FOXP1: variants seen among roughly 807,000 people sequenced by gnomAD.
FOXP1 encodes the protein forkhead box P1.
In FOXP1, 15 loss-of-function variants were observed where a neutral mutation model predicts 98.2. That is an observed-to-expected ratio of 0.15 (90% CI 0.10 to 0.24). FOXP1 has a LOEUF of 0.24. FOXP1 is among the 10% of genes least tolerant of loss of function. FOXP1 has a pLI of 1.00. For missense variants in FOXP1, 633 were observed against 848.5 expected, an observed-to-expected ratio of 0.75 and a Z score of 3.15; for synonymous variants, 371 against 314.5, an observed-to-expected ratio of 1.18 and a Z score of -1.90.
At chr3:71,406,963 G>A (rs942920865) in intron 3 of FOXP1, among the ~76,000 whole-genome samples, 1 of 151,550 alleles carries the variant, frequency 6.6e-6, no homozygotes, top group Non-Finnish European at 1.5e-5. Flanking sequence ...TGGAGGGAAA[G>A]AAAGAAAGGA....
chr3:71,209,079 C>A (rs1242797862), intron 5 of FOXP1, among the ~76,000 whole-genome samples: 1 of 152,164 alleles, frequency 6.6e-6, no homozygotes, highest in East Asian at 1.9e-4. Flanking sequence ...CCGCTTAACT[C>A]TTTACTGGTG....
At chr3:71,051,696 T>C (rs542333581) in intron 9 of FOXP1, among the ~76,000 whole-genome samples, 3 of 152,230 alleles carry the variant, frequency 2.0e-5, no homozygotes, top group Non-Finnish European at 2.9e-5. Flanking sequence ...GCAAGTTAAA[T>C]TGGATAACTC....
chr3:70,974,669 G>C (rs1368418830), intron 17 of FOXP1, among the ~76,000 whole-genome samples: 5 of 152,178 alleles, frequency 3.3e-5, no homozygotes, highest in African/African-American at 4.8e-5. Context: ...AATTGAGGTG[G>C]TATAAATAAA....
intron 2 of FOXP1, among the ~76,000 whole-genome samples, chr3:71,578,676 C>T (rs186606542): frequency 3.9e-5 from 6 of 152,294 alleles, no homozygotes; most frequent in Admixed American, 3.9e-4. Context: ...TGGCACTGGA[C>T]CCCCTGCAAT....
In FOXP1 at chr3:71,112,606, TGAA is replaced by T; in HGVS notation, c.209_211del (p.Leu70del). Reference sequence around the variant, plus strand: ...ACTAACTTGCTGCTGCTGTTGCTGCTGAAGAAGGAGCTGTCTTGCCACCTGAAG... The same window carrying T: ...ACTAACTTGCTGCTGCTGTTGCTGCTGAAGGAGCTGTCTTGCCACCTGAAG... On this transcript the variant is annotated inframe_deletion, in exon 7 of 21. Transcript: ENST00000649528. The T allele has an allele frequency of 6.2e-7, 1 of 1,614,114 alleles. No individual in the cohort carries two copies. The highest frequency in any genetic ancestry group is 8.5e-7 in the Non-Finnish European group (1 of 1,179,972).
chr3:71,079,450 A>C (rs2054175661), intron 7 of FOXP1, among the ~76,000 whole-genome samples: 1 of 152,210 alleles, frequency 6.6e-6, no homozygotes, highest in African/African-American at 2.4e-5. Context: ...TTCTAAAAAA[A>C]TCTTCATTCT....
chr3:71,545,095 AT>A (rs573622950), intron 2 of FOXP1, among the ~76,000 whole-genome samples: 2,799 of 149,888 alleles, frequency 0.019, 112 homozygotes, highest in African/African-American at 0.063. Context: ...TGGTAAAACA[AT>A]TTTTTTTTTA....
intron 2 of FOXP1, among the ~76,000 whole-genome samples, chr3:71,498,766 T>C (rs905280737): frequency 2.6e-5 from 4 of 152,166 alleles, no homozygotes; most frequent in African/African-American, 9.7e-5. Flanking sequence ...CCAGGGGGGT[T>C]TGTAAAACAC....
chr3:71,545,456 T>C (rs1035502570), intron 2 of FOXP1, among the ~76,000 whole-genome samples: 2 of 152,248 alleles, frequency 1.3e-5, no homozygotes, highest in African/African-American at 2.4e-5. Flanking sequence ...ATTTCAAAAT[T>C]ACTCTCATTT....
At chr3:71,451,117 T>C (rs755629292) in intron 3 of FOXP1, among the ~76,000 whole-genome samples, 5 of 152,176 alleles carry the variant, frequency 3.3e-5, no homozygotes, top group Admixed American at 6.6e-5. Context: ...CTTATATTGT[T>C]TTATTACAGT....
chr3:71,009,912 C>A (rs954653015), intron 12 of FOXP1, among the ~76,000 whole-genome samples: 1 of 147,730 alleles, frequency 6.8e-6, no homozygotes. Flanking sequence ...CGACACCCAG[C>A]TGAATTTTTT....
At chr3:71,396,763 C>G (rs187627634) in intron 3 of FOXP1, among the ~76,000 whole-genome samples, 1 of 150,510 alleles carries the variant, frequency 6.6e-6, no homozygotes, top group Admixed American at 6.7e-5. Context: ...CCCTTCTAAG[C>G]GTCAGGTCTT....
intron 3 of FOXP1, among the ~76,000 whole-genome samples, chr3:71,489,399 T>C (rs1190518395): frequency 3.3e-5 from 5 of 152,220 alleles, no homozygotes; most frequent in Non-Finnish European, 7.3e-5. Context: ...AGGGACAACC[T>C]AGTGGTAGAG....
At chr3:71,141,732 C>A (rs1156981026) in intron 6 of FOXP1, among the ~76,000 whole-genome samples, 2 of 151,944 alleles carry the variant, frequency 1.3e-5, no homozygotes, top group Non-Finnish European at 2.9e-5. Context: ...CATCAGCAAT[C>A]AACAAATCCA....
intron 6 of FOXP1, among the ~76,000 whole-genome samples, chr3:71,190,436 C>T (rs961687566): frequency 2.0e-5 from 3 of 150,396 alleles, no homozygotes; most frequent in Non-Finnish European, 4.4e-5. Context: ...TATAGTGAGA[C>T]CCATATCTCT....
chr3:71,553,715 A>G (rs953177988), intron 2 of FOXP1, among the ~76,000 whole-genome samples: 1 of 152,226 alleles, frequency 6.6e-6, no homozygotes, highest in Non-Finnish European at 1.5e-5. Flanking sequence ...CACATTTACA[A>G]AAGTTTAATA....
At chr3:71,010,658 C>T (rs1368390009) in intron 12 of FOXP1, among the ~76,000 whole-genome samples, 1 of 152,150 alleles carries the variant, frequency 6.6e-6, no homozygotes, top group Non-Finnish European at 1.5e-5. Context: ...ACACTGCTAT[C>T]AATTTGCCTA....
chr3:70,983,030 T>A (rs2039134183), intron 14 of FOXP1, among the ~76,000 whole-genome samples: 1 of 152,204 alleles, frequency 6.6e-6, no homozygotes, highest in Admixed American at 6.5e-5. Flanking sequence ...TGCATGGCAG[T>A]GTCATTTCTG....
At chr3:71,248,798 C>T (rs1036780837) in intron 5 of FOXP1, among the ~76,000 whole-genome samples, 30 of 151,966 alleles carry the variant, frequency 2.0e-4, no homozygotes, top group African/African-American at 7.3e-4. Flanking sequence ...AAGTTCCTCT[C>T]CAGGCTCCTC....
Sources: allele counts gnomAD v4.1 joint callset (sites outside exome capture counted in the v4.1 genomes callset), GRCh38; gene constraint gnomAD v4.1.1; transcripts MANE v1.5; gene names NCBI Gene and HGNC (gene_info 2026-07-23, HGNC 2026-07-21).